The following CTNNA2 variants were observed in gnomAD, a reference collection of about 807,000 sequenced individuals.
The protein encoded by CTNNA2 is catenin alpha 2.
Under a neutral mutation model 101.0 loss-of-function variants are expected in CTNNA2, and 42 were observed. That is an observed-to-expected ratio of 0.42 (90% confidence interval 0.32 to 0.54). CTNNA2 has a LOEUF of 0.54. Ranked by LOEUF, CTNNA2 falls within the 20% of genes least tolerant of loss-of-function variation. The pLI is 0.14. For missense variants in CTNNA2, 871 were observed against 1,223.1 expected (o/e 0.71, Z 4.29); for synonymous variants, 450 against 456.4 (o/e 0.99, Z 0.18).
At chr2:80,095,816 G>A (rs914533629) in intron 7 of CTNNA2, among the ~76,000 whole-genome samples, 20 of 151,896 alleles carry the variant, frequency 1.3e-4, no homozygotes, top group African/African-American at 4.3e-4. Context: ...ATTCTCTGAT[G>A]GTAGTTTGTA....
rs547103651 is a variant in CTNNA2 at position 80,129,752 on chromosome 2, G to T, written c.1056+219955G>T. Among the ~76,000 whole-genome samples, 4 of 152,252 alleles carry T rather than the reference G, an allele frequency of 2.6e-5. No homozygotes were observed. In the South Asian group the frequency reaches 8.3e-4, roughly 32 times the overall value. On this transcript the variant is annotated intron_variant, in intron 7 of 18. Transcript: ENST00000402739. The stretch of plus-strand genomic sequence containing the variant: ...ATGAAACTCACAGCATAAATCACTT[G>T]TTCTGATCCACATAACTGGTAAGTG...
At chr2:80,000,161 A>G (rs890864039) in intron 7 of CTNNA2, among the ~76,000 whole-genome samples, 1 of 152,212 alleles carries the variant, frequency 6.6e-6, no homozygotes, top group Non-Finnish European at 1.5e-5. Flanking sequence ...TTTTAAGTTT[A>G]AAGAATTGGG....
At chr2:80,022,005 C>T (rs1694597533) in intron 7 of CTNNA2, among the ~76,000 whole-genome samples, 1 of 152,146 alleles carries the variant, frequency 6.6e-6, no homozygotes, top group Non-Finnish European at 1.5e-5. Flanking sequence ...AGAAGACAAA[C>T]AGTCTGCAAT....
At chr2:80,052,933 T>G (rs1292326489) in intron 7 of CTNNA2, among the ~76,000 whole-genome samples, 1 of 152,208 alleles carries the variant, frequency 6.6e-6, no homozygotes, top group Non-Finnish European at 1.5e-5. Context: ...AACTAAATAA[T>G]GTCGGGTAGA....
chr2:79,231,910 A>T (rs1258541198), intron 2 of CTNNA2, among the ~76,000 whole-genome samples: 2 of 152,132 alleles, frequency 1.3e-5, no homozygotes, highest in Non-Finnish European at 2.9e-5. Flanking sequence ...CTGATCTTGT[A>T]TCCTAAAACT....
At chr2:80,553,347 G>A (rs1344014103) in intron 11 of CTNNA2, among the ~76,000 whole-genome samples, 2 of 152,030 alleles carry the variant, frequency 1.3e-5, no homozygotes, top group East Asian at 1.9e-4. Context: ...GTAATTAATA[G>A]CAATGTTTTT....
chr2:79,771,953 CAT>C (rs1673617946), intron 3 of CTNNA2, among the ~76,000 whole-genome samples: 2 of 152,138 alleles, frequency 1.3e-5, no homozygotes, highest in African/African-American at 4.8e-5. Context: ...GTAACAATTT[CAT>C]ATGTTTTGTG....
chr2:80,528,083 G>T (rs981310516), intron 9 of CTNNA2, among the ~76,000 whole-genome samples: 3 of 152,190 alleles, frequency 2.0e-5, no homozygotes, highest in African/African-American at 7.2e-5. Context: ...TTTTCTTATA[G>T]AATCAATTCT....
At chr2:79,769,899 G>T (rs1673448514) in intron 3 of CTNNA2, among the ~76,000 whole-genome samples, 2 of 152,210 alleles carry the variant, frequency 1.3e-5, no homozygotes, top group African/African-American at 4.8e-5. Context: ...GTGCTGTCTA[G>T]TGGGGTATCC....
At chr2:79,466,478 C>T (rs1162047805) in intron 4 of CTNNA2, among the ~76,000 whole-genome samples, 1 of 152,224 alleles carries the variant, frequency 6.6e-6, no homozygotes, top group Non-Finnish European at 1.5e-5. Flanking sequence ...CAAAAGGCAG[C>T]AGAAACCTCT....
chr2:79,758,961 C>T (rs921719751), intron 3 of CTNNA2, among the ~76,000 whole-genome samples: 1 of 152,058 alleles, frequency 6.6e-6, no homozygotes, highest in African/African-American at 2.4e-5. Flanking sequence ...CTCAGATGAC[C>T]AGCTCTTTGA....
At chr2:79,855,692 G>A (rs1339569200) in intron 3 of CTNNA2, among the ~76,000 whole-genome samples, 2 of 152,076 alleles carry the variant, frequency 1.3e-5, no homozygotes, top group Admixed American at 6.5e-5. Flanking sequence ...GGCTCATACC[G>A]ATTTCACCTG....
At chr2:80,643,948 TCAGA>T (rs1415402497) in intron 18 of CTNNA2, among the ~76,000 whole-genome samples, 1 of 152,162 alleles carries the variant, frequency 6.6e-6, no homozygotes, top group Non-Finnish European at 1.5e-5. Context: ...GAAGCACTTA[TCAGA>T]CATAGCCATG....
chr2:79,354,653 A>G (rs963559512), intron 3 of CTNNA2, among the ~76,000 whole-genome samples: 4 of 151,614 alleles, frequency 2.6e-5, no homozygotes, highest in African/African-American at 4.9e-5. Context: ...GTCTCTACCT[A>G]CTCTCTGGGA....
chr2:80,559,878 TTA>T (rs1442188917), intron 12 of CTNNA2, among the ~76,000 whole-genome samples: 33 of 113,898 alleles, frequency 2.9e-4, no homozygotes, highest in Non-Finnish European at 1.6e-4. Flanking sequence ...GATATCATAT[TTA>T]TATATATATA....
At chr2:80,310,996 A>G (rs2149227133) in intron 7 of CTNNA2, among the ~76,000 whole-genome samples, 1 of 151,926 alleles carries the variant, frequency 6.6e-6, no homozygotes, top group East Asian at 1.9e-4. Flanking sequence ...AAAAATGTAA[A>G]TAGAGAAACA....
Position 80,393,322 on chromosome 2 carries a change from T to C in CTNNA2, c.1137+31T>C, listed in dbSNP as rs748624517. The C allele has an allele frequency of 5.4e-6, 8 of 1,474,828 alleles. No homozygotes were observed. The South Asian group carries it at 8.3e-5, about 15-fold the overall frequency. 91.4% of individuals were successfully genotyped at this position (1,474,828 alleles called of 1,614,324 possible). A position where few individuals can be genotyped will look rare whatever the true frequency, so the allele number is the denominator to read the frequency against. On this transcript the variant is annotated intron_variant, in intron 8 of 18. Coordinates refer to ENST00000402739, the MANE Select transcript of CTNNA2 (RefSeq NM_001282597.3). ...ATTTTTTATTTTTACTTTAAGTCCA[T>C]GATATTCAGTAGTGGTTTCCAACAA...
chr2:79,275,186 G>A (rs1317589236), intron 2 of CTNNA2, among the ~76,000 whole-genome samples: 1 of 152,062 alleles, frequency 6.6e-6, no homozygotes, highest in African/African-American at 2.4e-5. Context: ...TGCAAGCTTA[G>A]TATTTCAAGC....
intron 3 of CTNNA2, among the ~76,000 whole-genome samples, chr2:79,750,804 G>A (rs1032420834): frequency 1.3e-5 from 2 of 151,662 alleles, no homozygotes; most frequent in African/African-American, 2.4e-5. Context: ...CCCAGGAGGT[G>A]GAGGTTGCAG....
Sources: gnomAD v4.1 joint callset for allele counts (sites outside exome capture counted in the v4.1 genomes callset) on GRCh38, gnomAD v4.1.1 for gene constraint, MANE v1.5 for transcripts, NCBI Gene and HGNC (gene_info 2026-07-23, HGNC 2026-07-21) for gene names.